SDC2: variants seen among roughly 807,000 people sequenced by gnomAD.
SDC2 encodes syndecan-2.
SDC2 carries 13 observed loss-of-function variants against 22.2 expected under a neutral mutation model. The observed-to-expected ratio is 0.59, with a 90% CI of 0.38 to 0.93. SDC2 has a LOEUF of 0.93. SDC2 is among the 40% of genes least tolerant of loss of function. The pLI is 0.00. For synonymous variants in SDC2, 94 were observed against 92.8 expected (o/e 1.01, Z -0.07); for missense variants, 235 against 246.8 (o/e 0.95, Z 0.32).
intron 3 of SDC2, 22 bp from the exon 4 acceptor site, chr8:96,608,313 C>G: frequency 1.2e-6 from 2 of 1,606,190 alleles, no homozygotes; most frequent in Non-Finnish European, 1.7e-6. Flanking sequence ...TCAATGTAAT[C>G]TTTCCCTGTT....
intron 1 of SDC2, among the ~76,000 whole-genome samples, chr8:96,536,535 C>CAAT (rs3064986): frequency 0.61 from 92,510 of 151,270 alleles, 28,942 homozygotes; most frequent in Non-Finnish European, 0.7. Context: ...TTGCCTAGGC[C>CAAT]AATCTCCAAC....
chr8:96,600,214 C>G (rs1274891288), intron 2 of SDC2, among the ~76,000 whole-genome samples: 1 of 152,122 alleles, frequency 6.6e-6, no homozygotes, highest in Non-Finnish European at 1.5e-5. Context: ...GCTTTCCCAC[C>G]TGCTTATTAC....
intron 1 of SDC2, among the ~76,000 whole-genome samples, chr8:96,568,577 A>G (rs924623715): frequency 2.0e-5 from 3 of 152,234 alleles, no homozygotes; most frequent in Admixed American, 1.3e-4. Context: ...TTCTTGATTT[A>G]TAGGTAGAAA....
At chr8:96,553,885 A>G (rs1167271517) in intron 1 of SDC2, among the ~76,000 whole-genome samples, 1 of 151,666 alleles carries the variant, frequency 6.6e-6, no homozygotes, top group Non-Finnish European at 1.5e-5. Flanking sequence ...TGATTCTCCC[A>G]CCTCAGCCTC....
At chr8:96,593,671 A>C in intron 2 of SDC2, 80 bp downstream of exon 2, 1 of 927,876 alleles carries the variant, frequency 1.1e-6, no homozygotes, top group Non-Finnish European at 1.7e-6. Flanking sequence ...TACTTCAAGG[A>C]GACAGGCAGG....
chr8:96,597,300 A>G (rs1384036071), intron 2 of SDC2, among the ~76,000 whole-genome samples: 1 of 152,200 alleles, frequency 6.6e-6, no homozygotes, highest in Non-Finnish European at 1.5e-5. Flanking sequence ...CCCCTCTGGG[A>G]AGCTGGACCA....
intron 1 of SDC2, among the ~76,000 whole-genome samples, chr8:96,505,122 C>G (rs2575708): frequency 0.3 from 46,254 of 151,910 alleles, 7,110 homozygotes; most frequent in African/African-American, 0.36. Context: ...TTTTTAGTCA[C>G]GCAAGTTATG....
intron 1 of SDC2, among the ~76,000 whole-genome samples, chr8:96,575,720 A>G (rs1382587424): frequency 6.6e-6 from 1 of 152,162 alleles, no homozygotes; most frequent in East Asian, 1.9e-4. Flanking sequence ...TCCTGGGGGT[A>G]ATATCTAAGC....
chr8:96,539,405 T>G (rs1195984656), intron 1 of SDC2, among the ~76,000 whole-genome samples: 2 of 152,370 alleles, frequency 1.3e-5, no homozygotes, highest in East Asian at 3.9e-4. Context: ...ACGTATAAAG[T>G]ACTGAAGTAT....
At chr8:96,588,496 A>G (rs1248919219) in intron 1 of SDC2, among the ~76,000 whole-genome samples, 1 of 152,228 alleles carries the variant, frequency 6.6e-6, no homozygotes, top group African/African-American at 2.4e-5. Context: ...GCACTTTGTA[A>G]TCATCATAAA....
At chr8:96,564,963 A>G (rs1347516909) in intron 1 of SDC2, among the ~76,000 whole-genome samples, 1 of 152,002 alleles carries the variant, frequency 6.6e-6, no homozygotes, top group African/African-American at 2.4e-5. Flanking sequence ...TAGCAATGGG[A>G]TATCCCTTTC....
At chr8:96,531,075 C>T (rs1026898187) in intron 1 of SDC2, among the ~76,000 whole-genome samples, 2 of 152,202 alleles carry the variant, frequency 1.3e-5, no homozygotes, top group Non-Finnish European at 1.5e-5. Context: ...AGAACCTTGG[C>T]GCAGCTGTCC....
At chr8:96,581,643 A>G (rs1411050146) in intron 1 of SDC2, among the ~76,000 whole-genome samples, 1 of 151,998 alleles carries the variant, frequency 6.6e-6, no homozygotes, top group Non-Finnish European at 1.5e-5. Flanking sequence ...TAAAAAAAAA[A>G]AAAGGTAAAA....
chr8:96,591,568 C>T (rs578093826), intron 1 of SDC2, among the ~76,000 whole-genome samples: 1 of 152,086 alleles, frequency 6.6e-6, no homozygotes, highest in South Asian at 2.1e-4. Flanking sequence ...AAGAAAAATG[C>T]ACATGAAACA....
At chr8:96,562,511 C>G (rs144918382) in intron 1 of SDC2, among the ~76,000 whole-genome samples, 118 of 152,318 alleles carry the variant, frequency 7.7e-4, no homozygotes, top group African/African-American at 2.7e-3. Flanking sequence ...GAGGAAGAGA[C>G]TCATTGTTAC....
At chr8:96,509,868 C>A (rs1161143911) in intron 1 of SDC2, among the ~76,000 whole-genome samples, 3 of 152,196 alleles carry the variant, frequency 2.0e-5, no homozygotes, top group Non-Finnish European at 2.9e-5. Flanking sequence ...ATTGGGAAAT[C>A]CTTGCTCCCT....
chr8:96,577,244 T>C (rs1271280039), intron 1 of SDC2, among the ~76,000 whole-genome samples: 2 of 152,208 alleles, frequency 1.3e-5, no homozygotes, highest in Non-Finnish European at 2.9e-5. Flanking sequence ...TTGAGTCTGA[T>C]ACCAGAGAGA....
intron 1 of SDC2, among the ~76,000 whole-genome samples, chr8:96,562,012 T>C (rs542258137): frequency 1.6e-4 from 25 of 152,230 alleles, no homozygotes; most frequent in Non-Finnish European, 2.5e-4. Flanking sequence ...GTCTAGCTTA[T>C]CAATTATTTC....
intron 1 of SDC2, among the ~76,000 whole-genome samples, chr8:96,538,973 TTGAG>T (rs559010149): frequency 5.3e-5 from 8 of 152,368 alleles, no homozygotes; most frequent in African/African-American, 1.9e-4. Flanking sequence ...CTGTCTTTGA[TTGAG>T]TTAGATTCAT....
Sources: allele counts gnomAD v4.1 joint callset (sites outside exome capture counted in the v4.1 genomes callset), GRCh38; gene constraint gnomAD v4.1.1; transcripts MANE v1.5; gene names NCBI Gene and HGNC (gene_info 2026-07-23, HGNC 2026-07-21).